Variants in TRPM6 observed in about 807,000 individuals in gnomAD.
The protein encoded by TRPM6 is channel kinase 2.
In TRPM6, 111 loss-of-function variants were observed where a neutral mutation model predicts 247.6. The observed-to-expected ratio is 0.45, with a 90% CI of 0.38 to 0.52. The LOEUF is 0.52. Among genes scored for constraint, TRPM6 ranks in the 20% least tolerant of loss-of-function variants. The pLI is 0.00. For synonymous variants in TRPM6, 892 were observed against 853.8 expected (o/e 1.04, Z -0.78); for missense variants, 2,126 against 2,421.5 (o/e 0.88, Z 2.56).
rs911517244 is a variant in TRPM6, at chr9:74,791,390, A to G, written c.2538+1234T>C. Among the ~76,000 whole-genome samples the G allele has an allele frequency of 3.3e-5, 5 of 152,346 alleles. No homozygotes were observed. The South Asian group carries it at 1.0e-3, about 32-fold the overall frequency. On this transcript the variant is annotated intron_variant, in intron 19 of 38. Coordinates refer to ENST00000360774, the MANE Select transcript of TRPM6 (RefSeq NM_017662.5). ...CAGTCACACTTCAAATGTTTTAGATATACAAACTCTTGGCCATGAGCTATT... is the reference window on the plus strand; with the variant it reads ...CAGTCACACTTCAAATGTTTTAGATGTACAAACTCTTGGCCATGAGCTATT...
chr9:74,872,615 T>TGTGTGTGTGTGTGC (rs1400938763), intron 1 of TRPM6, among the ~76,000 whole-genome samples: 7 of 151,624 alleles, frequency 4.6e-5, no homozygotes, highest in African/African-American at 1.7e-4. Flanking sequence ...TGTGTGTGTG[T>TGTGTGTGTGTGTGC]GTGTGTGTGC....
At position 74,746,090 on chromosome 9, in the gene TRPM6, A is replaced by C. The variant is rs990901853; in HGVS notation, c.5083+1799T>G. On this transcript the variant is annotated intron_variant, in intron 31 of 38. Transcript: ENST00000360774. ...ACCCCATCTCCACTAAAGATACAAA[A>C]AATTAGCCGGGCGTGGTGGGTTCCT... Among the ~76,000 whole-genome samples the C allele has an allele frequency of 1.3e-4, 20 of 152,112 alleles. 1 individual carries two copies. Among genetic ancestry groups the C allele is most frequent in the Admixed American group, 1.3e-3 (20 of 15,284 alleles).
intron 3 of TRPM6, among the ~76,000 whole-genome samples, chr9:74,845,995 A>C (rs1830097026): frequency 6.6e-6 from 1 of 152,196 alleles, no homozygotes; most frequent in African/African-American, 2.4e-5. Flanking sequence ...TTTACGTAAA[A>C]AATAAACAAA....
chr9:74,821,894 G>T, intron 7 of TRPM6, 57 bp from the exon 8 acceptor site: 2 of 1,599,262 alleles, frequency 1.3e-6, no homozygotes, highest in South Asian at 1.1e-5. Flanking sequence ...TCAGCCAGTC[G>T]GCCGTTTTGA....
intron 18 of TRPM6, among the ~76,000 whole-genome samples, chr9:74,796,402 A>G (rs976436639): frequency 2.6e-5 from 4 of 152,208 alleles, no homozygotes; most frequent in African/African-American, 7.2e-5. Flanking sequence ...CATTGAATTA[A>G]TAAATTGGTA....
At position 74,801,243 on chromosome 9, in the gene TRPM6, A is replaced by ATT. The variant is rs59490187; in HGVS notation, c.2009+653_2009+654dup. On this transcript the variant is annotated intron_variant, in intron 16 of 38. Coordinates refer to ENST00000360774, the MANE Select transcript of TRPM6 (RefSeq NM_017662.5). ...GTGAGCCACTGCACCAAGCCTGGGAATTTTTTTTTTTTTTTTTTTTTTTTT... is the reference window on the plus strand; with the variant it reads ...GTGAGCCACTGCACCAAGCCTGGGAATTTTTTTTTTTTTTTTTTTTTTTTTTT... Among the ~76,000 whole-genome samples the ATT allele has an allele frequency of 1.5e-3, 124 of 85,298 alleles. 3 individuals are homozygous for ATT. Among genetic ancestry groups the ATT allele is most frequent in the Non-Finnish European group, 2.1e-3 (97 of 47,078 alleles). The allele number at this position is 85,298 out of a possible 152,430, so 56.0% of individuals were successfully genotyped here.
At position 74,738,572 on chromosome 9, in the gene TRPM6, G is replaced by C. The variant is rs1246244352; in HGVS notation, c.5611C>G (p.Gln1871Glu). The change falls in exon 36 of 39, where the codon CAG becomes GAG. Residue 1871 changes from glutamine to glutamate, a missense_variant. Coordinates refer to ENST00000360774, the MANE Select transcript of TRPM6 (RefSeq NM_017662.5). ...VFLIYCHSAN[Q>E]WLTIEKYMTG... is the part of the protein sequence containing the mutation. ...ATATACTTCTCAATGGTCAACCACTGGTTGGCTGAATGGCAGTAGATTAAG... is the reference window on the plus strand; with the variant it reads ...ATATACTTCTCAATGGTCAACCACTCGTTGGCTGAATGGCAGTAGATTAAG... 1 of 1,614,088 alleles carries C rather than the reference G, an allele frequency of 6.2e-7. No homozygotes were observed. The highest frequency in any genetic ancestry group is 8.5e-7 in the Non-Finnish European group (1 of 1,179,994).
intron 7 of TRPM6, among the ~76,000 whole-genome samples, chr9:74,823,211 C>A (rs982111678): frequency 2.0e-5 from 3 of 152,200 alleles, no homozygotes; most frequent in African/African-American, 4.8e-5. Context: ...TGGCCACACC[C>A]CTGCCCTCAT....
In TRPM6 at chr9:74,762,585, C is replaced by T. The variant is rs779773488; in HGVS notation, c.4086G>A (p.Leu1362=). 3 of 1,614,144 alleles carry T rather than the reference C, an allele frequency of 1.9e-6. No homozygotes were observed. Among genetic ancestry groups the T allele is most frequent in the Non-Finnish European group, 2.5e-6 (3 of 1,180,038 alleles). Residue 1362 remains leucine (L), a synonymous_variant, in exon 26 of 39, where the codon TTG becomes TTA. Coordinates refer to ENST00000360774, the MANE Select transcript of TRPM6 (RefSeq NM_017662.5). ...KRVPFSAETV[L]PLSRPSVPDV... ...CTGGCACAGAGGGTCTGGACAGAGG[C>T]AAGACAGTTTCTGCTGAAAAAGGAA...
chr9:74,825,838 T>G (rs1263703542), intron 7 of TRPM6, among the ~76,000 whole-genome samples: 2 of 152,122 alleles, frequency 1.3e-5, no homozygotes, highest in East Asian at 3.9e-4. Context: ...AGGCCCCTAA[T>G]GGATCCCTCT....
chr9:74,769,774 AGGAAGGAAGGAC>A (rs988850962), intron 25 of TRPM6, among the ~76,000 whole-genome samples: 1 of 124,724 alleles, frequency 8.0e-6, no homozygotes, highest in Non-Finnish European at 1.6e-5. Flanking sequence ...GAAGGAAGGA[AGGAAGGAAGGAC>A]GGAAGGAAGG....
At chr9:74,775,467 C>A in intron 24 of TRPM6, among the ~76,000 whole-genome samples, 1 of 152,162 alleles carries the variant, frequency 6.6e-6, no homozygotes, top group Admixed American at 6.5e-5. Context: ...CTTTGCTTAT[C>A]TTTTCTCTTA....
rs562928415 is a variant in TRPM6 at position 74,797,160 on chromosome 9, C to G, written c.2239-267G>C. Among the ~76,000 whole-genome samples the G allele has an allele frequency of 1.8e-3, 272 of 152,278 alleles. 1 individual carries two copies. The highest frequency in any genetic ancestry group is 3.1e-3 in the South Asian group (15 of 4,828). On this transcript the variant is annotated intron_variant, in intron 17 of 38. Transcript: ENST00000360774. ...AAAACACTGGTGTCAACCTAAATGT[C>G]TATCTAGAGAGGGACAGCTGGTCTG...
At chr9:74,752,979 G>A (rs1428936785) in intron 28 of TRPM6, among the ~76,000 whole-genome samples, 1 of 152,012 alleles carries the variant, frequency 6.6e-6, no homozygotes, top group East Asian at 1.9e-4. Flanking sequence ...CAGGTGTGGT[G>A]GTGCATACCT....
chr9:74,827,419 C>T (rs781271934), intron 7 of TRPM6, among the ~76,000 whole-genome samples: 1 of 152,132 alleles, frequency 6.6e-6, no homozygotes, highest in African/African-American at 2.4e-5. Context: ...GGGCCAACTT[C>T]GGCCTCTACT....
intron 23 of TRPM6, 40 bp downstream of exon 23, chr9:74,782,322 T>A (rs1308654485): frequency 2.7e-6 from 4 of 1,479,190 alleles, no homozygotes; most frequent in Middle Eastern, 1.7e-4. Context: ...TCTGCCCACA[T>A]TTCTTATTTA....
Position 74,755,485 on chromosome 9 carries a change from G to A in TRPM6, c.4786-12C>T, listed in dbSNP as rs754013809. On this transcript the variant is annotated splice_polypyrimidine_tract_variant and intron_variant, in intron 27 of 38. Coordinates refer to ENST00000360774, the MANE Select transcript of TRPM6 (RefSeq NM_017662.5). ...TTGACTGTTATGATCTGGAGAGAAA[G>A]ACACTTGTTGGAACACAGTGACATT... 1.9e-6 allele frequency: 3 copies of A among 1,613,940 alleles called. No homozygotes were observed. Among genetic ancestry groups the A allele is most frequent in the Non-Finnish European group, 2.5e-6 (3 of 1,179,956 alleles).
At chr9:74,797,029 T>A in intron 17 of TRPM6, 136 bp from the exon 18 acceptor site, 1 of 817,204 alleles carries the variant, frequency 1.2e-6, no homozygotes, top group Admixed American at 2.2e-5. Flanking sequence ...TTTCTATAAA[T>A]AATTTTTTGA....
In TRPM6 at chr9:74,887,831, C is replaced by T; in HGVS notation, c.26G>A (p.Arg9His). The stretch of plus-strand genomic sequence containing the variant: ...CGAGCAGCCTGAGCTTACCTGCAAG[C>T]GCTCCAAGACAGGTTGTTCTTTCAT... MKEQPVLE[R>H]LQSQKSWIKG... Residue 9 changes from arginine to histidine, a missense_variant, in exon 1 of 39, where the codon CGC (arginine) becomes CAC (histidine). This residue lies in a region of TRPM6 where 1,082 missense variants were observed against 1,307.9 expected (regional missense o/e 0.83). Coordinates refer to ENST00000360774, the MANE Select transcript of TRPM6 (RefSeq NM_017662.5). The T allele has an allele frequency of 6.2e-7, 1 of 1,614,130 alleles. No homozygotes were observed. Among genetic ancestry groups the T allele is most frequent in the Non-Finnish European group, 8.5e-7 (1 of 1,180,032 alleles).
Sources: allele counts gnomAD v4.1 joint callset (sites outside exome capture counted in the v4.1 genomes callset), GRCh38; gene constraint gnomAD v4.1.1; regional missense constraint gnomAD v4.1.1; transcripts MANE v1.5; gene names NCBI Gene and HGNC (gene_info 2026-07-23, HGNC 2026-07-21).